Variants in MARCHF1 observed in about 807,000 individuals in gnomAD.
MARCHF1 encodes E3 ubiquitin-protein ligase MARCHF1.
A neutral mutation model predicts 54.2 loss-of-function variants in MARCHF1; 40 were observed. The ratio of observed to expected loss-of-function variants is 0.74; its 90% CI spans 0.57 to 0.96. MARCHF1 has a LOEUF of 0.96. Ranked by LOEUF, MARCHF1 falls within the 40% of genes least tolerant of loss-of-function variation. MARCHF1 has a pLI of 0.00. For missense variants in MARCHF1, 586 were observed against 656.5 expected, an observed-to-expected ratio of 0.89 and a Z score of 1.17; for synonymous variants, 236 against 236.3, an observed-to-expected ratio of 1.00 and a Z score of 0.01.
chr4:163,969,840 CAT>C (rs1034826281), intron 3 of MARCHF1, among the ~76,000 whole-genome samples: 3 of 152,186 alleles, frequency 2.0e-5, no homozygotes, highest in African/African-American at 4.8e-5. Flanking sequence ...TTTCATAACA[CAT>C]GTTTTGGGGG....
chr4:164,069,823 A>T (rs998254774), intron 2 of MARCHF1, among the ~76,000 whole-genome samples: 7 of 152,256 alleles, frequency 4.6e-5, no homozygotes, highest in African/African-American at 1.7e-4. Context: ...TTGTATGTTT[A>T]TCACCATGAA....
intron 3 of MARCHF1, among the ~76,000 whole-genome samples, chr4:163,955,959 C>A (rs1208045668): frequency 6.6e-6 from 1 of 151,840 alleles, no homozygotes; most frequent in Non-Finnish European, 1.5e-5. Context: ...CAAGTAAATG[C>A]AATATGGATC....
intron 3 of MARCHF1, among the ~76,000 whole-genome samples, chr4:163,927,645 T>C (rs1222465435): frequency 6.6e-6 from 1 of 151,720 alleles, no homozygotes; most frequent in Non-Finnish European, 1.5e-5. Context: ...GCTTGCAGAG[T>C]AATTTTAGAG....
At chr4:164,068,228 G>A (rs540067951) in intron 2 of MARCHF1, among the ~76,000 whole-genome samples, 26 of 152,276 alleles carry the variant, frequency 1.7e-4, no homozygotes, top group African/African-American at 6.0e-4. Context: ...AGGTGACAGC[G>A]TGCTGGCAGC....
chr4:163,884,155 G>A (rs1178677728), intron 3 of MARCHF1, among the ~76,000 whole-genome samples: 3 of 152,044 alleles, frequency 2.0e-5, no homozygotes, highest in African/African-American at 7.3e-5. Context: ...CGTAGCTCAG[G>A]GAACTGTAAG....
intron 5 of MARCHF1, among the ~76,000 whole-genome samples, chr4:163,649,597 T>G (rs546612073): frequency 2.9e-4 from 44 of 152,090 alleles, no homozygotes; most frequent in African/African-American, 1.0e-3. Context: ...CCAGAAGTAC[T>G]TCATCACTTC....
chr4:163,663,843 G>C (rs1395341459), intron 5 of MARCHF1, among the ~76,000 whole-genome samples: 1 of 151,540 alleles, frequency 6.6e-6, no homozygotes, highest in African/African-American at 2.4e-5. Flanking sequence ...AAATCTTTAG[G>C]CTTTAATATT....
intron 4 of MARCHF1, among the ~76,000 whole-genome samples, chr4:163,721,243 T>C (rs1245954411): frequency 7.2e-5 from 11 of 152,238 alleles, no homozygotes; most frequent in African/African-American, 2.7e-4. Context: ...CATGAAGGGT[T>C]GTTGAATTTT....
At chr4:163,887,223 A>G (rs754278519) in intron 3 of MARCHF1, among the ~76,000 whole-genome samples, 1 of 152,070 alleles carries the variant, frequency 6.6e-6, no homozygotes, top group African/African-American at 2.4e-5. Flanking sequence ...AAAGTAATTA[A>G]TAGATGTATG....
intron 1 of MARCHF1, among the ~76,000 whole-genome samples, chr4:164,133,915 T>C (rs1414354979): frequency 6.6e-6 from 1 of 152,204 alleles, no homozygotes; most frequent in Non-Finnish European, 1.5e-5. Flanking sequence ...TCTAAATAGA[T>C]ACTGTATTAG....
At chr4:163,770,865 T>C (rs1389658478) in intron 4 of MARCHF1, among the ~76,000 whole-genome samples, 2 of 152,200 alleles carry the variant, frequency 1.3e-5, no homozygotes, top group African/African-American at 2.4e-5. Context: ...TTTAAAATGC[T>C]AAAGAAATAC....
chr4:164,131,590 G>C (rs964985294), intron 1 of MARCHF1, among the ~76,000 whole-genome samples: 4 of 152,038 alleles, frequency 2.6e-5, no homozygotes, highest in African/African-American at 9.7e-5. Flanking sequence ...TATTTTGTAT[G>C]ATTATAGGCA....
intron 4 of MARCHF1, among the ~76,000 whole-genome samples, chr4:163,841,702 T>C (rs1404214254): frequency 6.6e-6 from 1 of 152,162 alleles, no homozygotes; most frequent in African/African-American, 2.4e-5. Context: ...AACCAGTTCT[T>C]GTTTGCAGTC....
At chr4:163,940,168 G>A (rs577560916) in intron 3 of MARCHF1, among the ~76,000 whole-genome samples, 4 of 152,230 alleles carry the variant, frequency 2.6e-5, no homozygotes, top group Admixed American at 2.0e-4. Context: ...ATCAACTAGT[G>A]TCTTGATTTG....
intron 5 of MARCHF1, among the ~76,000 whole-genome samples, chr4:163,629,509 T>A (rs536146551): frequency 6.6e-6 from 1 of 152,306 alleles, no homozygotes; most frequent in Non-Finnish European, 1.5e-5. Flanking sequence ...AAAGACTTCA[T>A]GAGTGAAACA....
At chr4:163,854,517 G>A (rs1267454147) in intron 3 of MARCHF1, among the ~76,000 whole-genome samples, 1 of 152,084 alleles carries the variant, frequency 6.6e-6, no homozygotes, top group Non-Finnish European at 1.5e-5. Flanking sequence ...GAATAGACCT[G>A]GTTCCTGATA....
chr4:163,581,661 A>G (rs1381258000), intron 8 of MARCHF1, among the ~76,000 whole-genome samples: 1 of 152,214 alleles, frequency 6.6e-6, no homozygotes, highest in Non-Finnish European at 1.5e-5. Context: ...GTGTTTGTTA[A>G]AGACAGTTCT....
intron 7 of MARCHF1, among the ~76,000 whole-genome samples, chr4:163,610,067 C>T (rs1310977358): frequency 4.6e-5 from 7 of 151,976 alleles, no homozygotes; most frequent in African/African-American, 1.7e-4. Flanking sequence ...TGAGTTCTAA[C>T]GTAAATTCTA....
intron 1 of MARCHF1, among the ~76,000 whole-genome samples, chr4:164,182,503 A>T (rs67428409): frequency 0.18 from 27,828 of 151,792 alleles, 3,141 homozygotes; most frequent in Non-Finnish European, 0.26. Context: ...AAAGAATATC[A>T]TCTCTCTCCT....
Sources: allele counts gnomAD v4.1 joint callset (sites outside exome capture counted in the v4.1 genomes callset), GRCh38; gene constraint gnomAD v4.1.1; transcripts MANE v1.5; gene names NCBI Gene and HGNC (gene_info 2026-07-23, HGNC 2026-07-21).